Variants in LMF1 observed in about 807,000 individuals in gnomAD.
LMF1 encodes the protein lipase maturation factor 1, also known as transmembrane protein 112.
In LMF1, 68 loss-of-function variants were observed where a neutral mutation model predicts 60.6. That is an observed-to-expected ratio of 1.12 (90% CI 0.92 to 1.37). LMF1 has a LOEUF of 1.37. Among genes scored for constraint, LMF1 ranks in the 40% most tolerant of loss-of-function variants. The pLI is 0.00. For synonymous variants in LMF1, 418 were observed against 324.7 expected (o/e 1.29, Z -3.09); for missense variants, 948 against 767.2 (o/e 1.24, Z -2.78).
At position 953,898 on chromosome 16, in the gene LMF1, C is replaced by T. The variant is rs11644107; in HGVS notation, c.503+459G>A. 2.6e-4 allele frequency among the ~76,000 whole-genome samples: 24 copies of T among 92,606 alleles called. 1 individual carries two copies. The highest frequency in any genetic ancestry group is 1.6e-3 in the East Asian group (2 of 1,240). 60.8% of individuals were successfully genotyped at this position (92,606 alleles called of 152,430 possible). ...AGACACCCCAAACCAGCCTCCTACACGTCCACACAGACACCCACCCCAAAC... is the reference window on the plus strand; with the variant it reads ...AGACACCCCAAACCAGCCTCCTACATGTCCACACAGACACCCACCCCAAAC... On this transcript the variant is annotated intron_variant, in intron 2 of 10. Transcript: ENST00000262301.
intron 3 of LMF1, among the ~76,000 whole-genome samples, chr16:915,017 G>A (rs543037837): frequency 1.3e-5 from 2 of 152,374 alleles, no homozygotes; most frequent in East Asian, 3.9e-4. Context: ...CTGCTCGGCT[G>A]GCCCAGGAGG....
intron 2 of LMF1, among the ~76,000 whole-genome samples, chr16:935,895 G>A (rs1230324935): frequency 6.6e-6 from 1 of 152,238 alleles, no homozygotes; most frequent in Non-Finnish European, 1.5e-5. Flanking sequence ...CGACATCTGA[G>A]CCGTGGGGGA....
At chr16:868,824 C>T in intron 10 of LMF1, 120 bp downstream of exon 10, 2 of 663,580 alleles carry the variant, frequency 3.0e-6, no homozygotes, top group African/African-American at 1.8e-5. Context: ...CCTCCTGCCT[C>T]TGCGGGAGGG....
chr16:941,816 A>G (rs982219147), intron 2 of LMF1, among the ~76,000 whole-genome samples: 1 of 152,260 alleles, frequency 6.6e-6, no homozygotes, highest in Non-Finnish European at 1.5e-5. Context: ...CGCTTCACGT[A>G]GAATTTAGAG....
At chr16:883,084 T>C (rs1372598343) in intron 5 of LMF1, among the ~76,000 whole-genome samples, 114 of 57,496 alleles carry the variant, frequency 2.0e-3, no homozygotes, top group Admixed American at 3.2e-3. Context: ...CGGAGCCCAT[T>C]GCAGGACCAG....
chr16:925,546 A>G (rs1186950453), intron 3 of LMF1, among the ~76,000 whole-genome samples: 2 of 152,216 alleles, frequency 1.3e-5, no homozygotes, highest in Admixed American at 1.3e-4. Flanking sequence ...CCTGGACAAC[A>G]TAGCAAGACC....
intron 2 of LMF1, among the ~76,000 whole-genome samples, chr16:935,851 A>G (rs1166503761): frequency 2.0e-5 from 3 of 152,138 alleles, no homozygotes; most frequent in Non-Finnish European, 4.4e-5. Context: ...CCACCTTGAC[A>G]TTACGATAAA....
At position 869,072 on chromosome 16, in the gene LMF1, G is replaced by A. The variant is rs750431140; in HGVS notation, c.1417-16C>T. 2.1e-5 allele frequency: 33 copies of A among 1,561,962 alleles called. 1 individual carries two copies. Among genetic ancestry groups the A allele is most frequent in the South Asian group, 2.0e-4 (18 of 90,086 alleles). On this transcript the variant is annotated splice_polypyrimidine_tract_variant and intron_variant, in intron 9 of 10. Transcript: ENST00000262301. ...GCTCGTAGGTCTGGGAGGAGAGGTC[G>A]GGCTGGAGACGGCTGTGCCACTCGC...
At chr16:912,412 C>T (rs1170036742) in intron 3 of LMF1, among the ~76,000 whole-genome samples, 2 of 152,188 alleles carry the variant, frequency 1.3e-5, no homozygotes, top group Admixed American at 6.5e-5. Context: ...TGAGATACTA[C>T]GGTAAAGTCA....
intron 2 of LMF1, among the ~76,000 whole-genome samples, chr16:943,491 C>T (rs567145675): frequency 9.2e-5 from 14 of 151,688 alleles, no homozygotes; most frequent in East Asian, 1.9e-4. Context: ...TTTGGGAGGC[C>T]GAGGCGGGCG....
At chr16:974,302 C>T (rs141682042), upstream of LMF1, among the ~76,000 whole-genome samples, 4 of 152,290 alleles carry the variant, frequency 2.6e-5, no homozygotes, top group East Asian at 5.8e-4. Flanking sequence ...CACCCTGCAG[C>T]TCAGTGTCCT....
At chr16:979,367 G>C in intron 1 of LMF1, 1 of 353,968 alleles carries the variant, frequency 2.8e-6, no homozygotes, top group Non-Finnish European at 5.6e-6. Flanking sequence ...CAGCTGACTG[G>C]CCTAGGCCCC....
intron 3 of LMF1, among the ~76,000 whole-genome samples, chr16:929,870 G>A (rs1289317395): frequency 6.6e-6 from 1 of 152,158 alleles, no homozygotes; most frequent in Non-Finnish European, 1.5e-5. Flanking sequence ...GCACGGCCCT[G>A]GGACACAGAG....
intron 1 of LMF1, chr16:979,561 C>A (rs1414969829): frequency 1.4e-5 from 6 of 442,536 alleles, no homozygotes; most frequent in Non-Finnish European, 2.7e-5. Flanking sequence ...CACTCCCCAA[C>A]CTCAGTCTCC....
intron 4 of LMF1, 40 bp from the exon 5 acceptor site, chr16:893,112 C>T (rs1459979859): frequency 9.2e-6 from 14 of 1,521,858 alleles, no homozygotes; most frequent in South Asian, 4.8e-5. Context: ...GTCACAGGGG[C>T]TGGGGATGCG....
At chr16:929,631 C>A (rs1244314869) in intron 3 of LMF1, among the ~76,000 whole-genome samples, 5 of 152,348 alleles carry the variant, frequency 3.3e-5, no homozygotes, top group Middle Eastern at 3.4e-3. Flanking sequence ...CGGCAGGAAG[C>A]GGCCACATTC....
intron 7 of LMF1, 105 bp downstream of exon 7, chr16:871,056 T>C: frequency 7.1e-7 from 1 of 1,411,174 alleles, no homozygotes; most frequent in Non-Finnish European, 9.4e-7. Context: ...CGGCGCTGAC[T>C]CTCCTCCTAC....
intron 3 of LMF1, among the ~76,000 whole-genome samples, chr16:917,981 G>A (rs2071328367): frequency 6.6e-6 from 1 of 152,246 alleles, no homozygotes; most frequent in African/African-American, 2.4e-5. Flanking sequence ...CCGCCCTTCT[G>A]CTGCCCGCAA....
rs1364557736 is a variant in LMF1, at chr16:878,404, G to A, written c.897+1166C>T. Among the ~76,000 whole-genome samples, 2 of 152,168 alleles carry A rather than the reference G, an allele frequency of 1.3e-5. No homozygotes were observed. The highest frequency in any genetic ancestry group is 2.9e-5 in the Non-Finnish European group (2 of 68,034). ...CGGCCAGAGTGAGGGTCCTTGCTGGGGGGAGGGGTCAAGAACAGCACAGCC... is the reference window on the plus strand; with the variant it reads ...CGGCCAGAGTGAGGGTCCTTGCTGGAGGGAGGGGTCAAGAACAGCACAGCC... On this transcript the variant is annotated intron_variant, in intron 6 of 10. Transcript: ENST00000262301. The surrounding 1 kb of genome is among the most constrained non-coding windows in gnomAD (Gnocchi z 5.2).
Sources: gnomAD v4.1 joint callset for allele counts (sites outside exome capture counted in the v4.1 genomes callset) on GRCh38, gnomAD v4.1.1 for gene constraint, Gnocchi (gnomAD v3.1) non-coding constraint, MANE v1.5 for transcripts, NCBI Gene and HGNC (gene_info 2026-07-23, HGNC 2026-07-21) for gene names.